EXT2: variants seen among roughly 807,000 people sequenced by gnomAD.
EXT2 encodes exostosin-2.
Under a neutral mutation model 81.6 loss-of-function variants are expected in EXT2, and 53 were observed. The observed-to-expected ratio is 0.65, with a 90% CI of 0.52 to 0.82. EXT2 has a LOEUF of 0.82. Among genes scored for constraint, EXT2 ranks in the 40% least tolerant of loss-of-function variants. EXT2 has a pLI of 0.00. For missense variants in EXT2, 774 were observed against 910.2 expected (o/e 0.85, Z 1.93); for synonymous variants, 320 against 340.0 (o/e 0.94, Z 0.65).
intron 8 of EXT2, among the ~76,000 whole-genome samples, chr11:44,196,623 C>A (rs1233741732): frequency 6.6e-6 from 1 of 152,106 alleles, no homozygotes; most frequent in African/African-American, 2.4e-5. Context: ...AGCAATCCTG[C>A]CCTCAAAAAA....
chr11:44,198,659 T>C (rs992161988), intron 9 of EXT2, among the ~76,000 whole-genome samples: 1 of 152,250 alleles, frequency 6.6e-6, no homozygotes, highest in Admixed American at 6.5e-5. Flanking sequence ...TGTGTATTAC[T>C]GATCCTAATC....
chr11:44,210,416 T>C (rs1479627045), intron 10 of EXT2, among the ~76,000 whole-genome samples: 2 of 152,190 alleles, frequency 1.3e-5, no homozygotes, highest in Non-Finnish European at 2.9e-5. Context: ...TACTTTATGA[T>C]TCCATATATA....
intron 13 of EXT2, among the ~76,000 whole-genome samples, 175 bp downstream of exon 13, chr11:44,236,550 T>C (rs922073399): frequency 4.6e-5 from 7 of 152,160 alleles, no homozygotes; most frequent in Non-Finnish European, 7.3e-5. Flanking sequence ...AAGAATTAAT[T>C]TGGAATGCTA....
chr11:44,099,996 G>A (rs2134945110), intron 1 of EXT2, among the ~76,000 whole-genome samples: 1 of 152,306 alleles, frequency 6.6e-6, no homozygotes, highest in South Asian at 2.1e-4. Flanking sequence ...TTACGTGTCT[G>A]AGGGCATCCC....
intron 8 of EXT2, among the ~76,000 whole-genome samples, chr11:44,197,093 T>C (rs898350943): frequency 2.0e-5 from 3 of 152,178 alleles, no homozygotes; most frequent in Admixed American, 6.5e-5. Context: ...GCCTGTATTT[T>C]CCTCTCCTCT....
chr11:44,239,678 A>G (rs978663768), intron 13 of EXT2, among the ~76,000 whole-genome samples: 2 of 116,320 alleles, frequency 1.7e-5, no homozygotes, highest in Non-Finnish European at 1.7e-5. Context: ...GGCATGAACC[A>G]CCCTGCCTGG....
At chr11:44,166,922 C>G (rs115630660) in intron 7 of EXT2, among the ~76,000 whole-genome samples, 2 of 152,128 alleles carry the variant, frequency 1.3e-5, no homozygotes, top group Non-Finnish European at 2.9e-5. Flanking sequence ...CTGGAGCAAC[C>G]CTCCTGCCAA....
At chr11:44,139,421 A>T (rs1286908038) in intron 7 of EXT2, among the ~76,000 whole-genome samples, 1 of 152,104 alleles carries the variant, frequency 6.6e-6, no homozygotes, top group Non-Finnish European at 1.5e-5. Context: ...CAGTCTAGTA[A>T]GTATAAGCTA....
Position 44,159,944 on chromosome 11 carries a change from C to G in EXT2, c.1174-11667C>G, listed in dbSNP as rs1172614230. ...TCCTTTCTTGCAAATAGGATAGGCT[C>G]TGATAAAACCCTAACAGGTTAGGCT... On this transcript the variant is annotated intron_variant, in intron 7 of 13. Coordinates refer to ENST00000533608, the MANE Select transcript of EXT2 (RefSeq NM_207122.2). Among the ~76,000 whole-genome samples the G allele has an allele frequency of 5.9e-5, 9 of 152,320 alleles. No homozygotes were observed. The East Asian group carries it at 1.7e-3, about 29-fold the overall frequency.
At chr11:44,229,030 C>T (rs2135252518) in intron 10 of EXT2, among the ~76,000 whole-genome samples, 1 of 152,270 alleles carries the variant, frequency 6.6e-6, no homozygotes, top group African/African-American at 2.4e-5. Context: ...CCTCCCCATG[C>T]CCTACTCCTT....
intron 4 of EXT2, 121 bp from the exon 5 acceptor site, chr11:44,124,668 T>G (rs953238947): frequency 6.7e-6 from 5 of 749,340 alleles, no homozygotes. Context: ...ATTTTAAAAA[T>G]CAGTGGAGGT....
In EXT2 at chr11:44,248,565, G is replaced by C. The variant is rs999242396; in HGVS notation, c.*4278G>C. On this transcript the variant is annotated 3_prime_UTR_variant, in exon 14 of 14. Coordinates refer to ENST00000533608, the MANE Select transcript of EXT2 (RefSeq NM_207122.2). ...GCATCATCTGTGAACAGGCCTTATT[G>C]AGCTTATCTTGGCAGAGGAAAGTCA... Among the ~76,000 whole-genome samples, 3 of 152,192 alleles carry C rather than the reference G, an allele frequency of 2.0e-5. No individual in the cohort carries two copies. The highest frequency in any genetic ancestry group is 4.4e-5 in the Non-Finnish European group (3 of 68,042).
chr11:44,125,346 G>A (rs1182891336), intron 5 of EXT2, among the ~76,000 whole-genome samples: 1 of 152,158 alleles, frequency 6.6e-6, no homozygotes, highest in Non-Finnish European at 1.5e-5. Context: ...CTTTGAGGTG[G>A]CAACTTGCAT....
chr11:44,164,540 A>T (rs1331759479), intron 7 of EXT2, among the ~76,000 whole-genome samples: 1 of 152,224 alleles, frequency 6.6e-6, no homozygotes, highest in African/African-American at 2.4e-5. Context: ...AATTAATCAC[A>T]TTTAATTTAT....
intron 10 of EXT2, among the ~76,000 whole-genome samples, chr11:44,214,214 C>T (rs971190384): frequency 6.6e-6 from 1 of 152,034 alleles, no homozygotes; most frequent in Non-Finnish European, 1.5e-5. Context: ...CCCGGGTTCA[C>T]GCCATTCTTC....
chr11:44,117,124 C>T (rs914460508), intron 4 of EXT2, among the ~76,000 whole-genome samples: 1 of 152,130 alleles, frequency 6.6e-6, no homozygotes, highest in Admixed American at 6.5e-5. Context: ...CGTGTGCCAC[C>T]ACGCCCAGCT....
chr11:44,124,780 C>T lies in EXT2; in HGVS notation c.744-9C>T. 1 of 1,613,708 alleles carries T rather than the reference C, an allele frequency of 6.2e-7. No homozygotes were observed. Among genetic ancestry groups the T allele is most frequent in the Non-Finnish European group, 8.5e-7 (1 of 1,179,814 alleles). On this transcript the variant is annotated splice_polypyrimidine_tract_variant and intron_variant, in intron 4 of 13. Coordinates refer to ENST00000533608, the MANE Select transcript of EXT2 (RefSeq NM_207122.2). ...CAATTTTCCAATCACCTGTTTTTTT[C>T]CCTTGTAGTCCACGGCAATACTTCC...
intron 2 of EXT2, among the ~76,000 whole-genome samples, 192 bp downstream of exon 2, chr11:44,108,440 C>G (rs1179973741): frequency 3.3e-5 from 5 of 152,180 alleles, no homozygotes; most frequent in Admixed American, 6.5e-5. Context: ...CCTGTGTGCC[C>G]GTGAAGAGTA....
chr11:44,097,772 ATAAAT>A (rs751143160), intron 1 of EXT2, among the ~76,000 whole-genome samples: 35,983 of 126,702 alleles, frequency 0.28, 5,666 homozygotes, highest in Admixed American at 0.44. Flanking sequence ...AAATAAATAA[ATAAAT>A]AAATAAATAA....
Sources: allele counts gnomAD v4.1 joint callset (sites outside exome capture counted in the v4.1 genomes callset), GRCh38; gene constraint gnomAD v4.1.1; transcripts MANE v1.5; gene names NCBI Gene and HGNC (gene_info 2026-07-23, HGNC 2026-07-21).